Variants in LHFPL6 observed in about 807,000 individuals in gnomAD.
The protein encoded by LHFPL6 is LHFPL tetraspan subfamily member 6 protein.
Under a neutral mutation model 20.6 loss-of-function variants are expected in LHFPL6, and 9 were observed. The observed-to-expected ratio is 0.44, with a 90% CI of 0.26 to 0.76. LHFPL6 has a LOEUF of 0.76. Among genes scored for constraint, LHFPL6 ranks in the 30% least tolerant of loss-of-function variants. The pLI, the probability that LHFPL6 is intolerant of heterozygous loss-of-function variation, is 0.20. For synonymous variants in LHFPL6, 105 were observed against 98.7 expected, an observed-to-expected ratio of 1.06 and a Z score of -0.38; for missense variants, 218 against 253.5, an observed-to-expected ratio of 0.86 and a Z score of 0.95.
intron 2 of LHFPL6, among the ~76,000 whole-genome samples, chr13:39,422,155 C>T (rs1459939245): frequency 1.3e-5 from 2 of 152,168 alleles, no homozygotes; most frequent in South Asian, 2.1e-4. Context: ...AGGTCAATAA[C>T]CTGGGAGCAA....
intron 2 of LHFPL6, among the ~76,000 whole-genome samples, chr13:39,445,016 C>T (rs1872248667): frequency 6.6e-6 from 1 of 152,214 alleles, no homozygotes; most frequent in Non-Finnish European, 1.5e-5. Flanking sequence ...ATGTCATTAC[C>T]TCAGGAGTGA....
chr13:39,404,873 T>C (rs73456956), intron 2 of LHFPL6, among the ~76,000 whole-genome samples: 2,880 of 152,276 alleles, frequency 0.019, 106 homozygotes, highest in African/African-American at 0.066. Context: ...GGACAATATG[T>C]ATTTGTGCAA....
chr13:39,413,886 C>T (rs1871291717), intron 2 of LHFPL6, among the ~76,000 whole-genome samples: 1 of 152,136 alleles, frequency 6.6e-6, no homozygotes, highest in African/African-American at 2.4e-5. Flanking sequence ...GGTTTTGCCT[C>T]TCTTTGTACT....
chr13:39,372,530 A>G (rs1245674293), intron 3 of LHFPL6, among the ~76,000 whole-genome samples: 1 of 152,234 alleles, frequency 6.6e-6, no homozygotes, highest in African/African-American at 2.4e-5. Context: ...TTGCTTCTTC[A>G]TAAATTAGCG....
At chr13:39,416,982 G>A (rs1390241565) in intron 2 of LHFPL6, among the ~76,000 whole-genome samples, 1 of 152,108 alleles carries the variant, frequency 6.6e-6, no homozygotes, top group South Asian at 2.1e-4. Context: ...GTTTTAAAAT[G>A]TCATCTGCAG....
At chr13:39,438,280 T>C (rs767088879) in intron 2 of LHFPL6, among the ~76,000 whole-genome samples, 1 of 152,198 alleles carries the variant, frequency 6.6e-6, no homozygotes, top group Non-Finnish European at 1.5e-5. Flanking sequence ...AGACTGATGA[T>C]TCCACTATCC....
chr13:39,582,160 A>G (rs536573372), intron 2 of LHFPL6, among the ~76,000 whole-genome samples: 1 of 152,310 alleles, frequency 6.6e-6, no homozygotes, highest in East Asian at 1.9e-4. Flanking sequence ...CTCCAAAAGC[A>G]GCGGCCTCAT....
chr13:39,469,620 A>G (rs1001966814), intron 2 of LHFPL6, among the ~76,000 whole-genome samples: 5 of 152,184 alleles, frequency 3.3e-5, no homozygotes, highest in African/African-American at 1.2e-4. Context: ...GGTCATCAAG[A>G]GCATACAGTA....
rs191784745 is a variant in LHFPL6, at chr13:39,564,201, T to C, written c.385+36631A>G. Reference sequence around the variant, plus strand: ...TTGTCAAGGCCAGGAATAAAGTCTGTTTAGTACACTCTGAATATAGCACCT... The same window carrying C: ...TTGTCAAGGCCAGGAATAAAGTCTGCTTAGTACACTCTGAATATAGCACCT... On this transcript the variant is annotated intron_variant, in intron 2 of 3. Transcript: ENST00000379589. Among the ~76,000 whole-genome samples the C allele has an allele frequency of 5.4e-3, 822 of 152,264 alleles. 4 individuals are homozygous for C. The highest frequency in any genetic ancestry group is 0.019 in the African/African-American group (792 of 41,552).
intron 2 of LHFPL6, among the ~76,000 whole-genome samples, chr13:39,409,311 G>A (rs981200220): frequency 2.0e-5 from 3 of 151,902 alleles, no homozygotes; most frequent in Admixed American, 6.6e-5. Flanking sequence ...AAGATTAGCC[G>A]GGCGTGGTGA....
At chr13:39,562,653 C>CAT (rs1871571462) in intron 2 of LHFPL6, among the ~76,000 whole-genome samples, 1 of 125,374 alleles carries the variant, frequency 8.0e-6, no homozygotes, top group African/African-American at 2.8e-5. Context: ...TATATACACA[C>CAT]ATATACACAT....
intron 2 of LHFPL6, among the ~76,000 whole-genome samples, chr13:39,389,858 T>G (rs1422707364): frequency 2.0e-5 from 3 of 152,178 alleles, no homozygotes; most frequent in South Asian, 2.1e-4. Flanking sequence ...AAAGCAGTGA[T>G]GAGTTCCCTG....
intron 2 of LHFPL6, among the ~76,000 whole-genome samples, chr13:39,383,206 T>C (rs950890855): frequency 1.1e-4 from 16 of 152,232 alleles, no homozygotes; most frequent in African/African-American, 3.9e-4. Flanking sequence ...CATCATATAG[T>C]CATTGTAACA....
chr13:39,448,388 T>G (rs1052820269), intron 2 of LHFPL6, among the ~76,000 whole-genome samples: 3 of 152,110 alleles, frequency 2.0e-5, no homozygotes, highest in African/African-American at 7.2e-5. Flanking sequence ...GGTAGGAAAG[T>G]GGGGAAGTTT....
chr13:39,490,451 G>C (rs1245739039), intron 2 of LHFPL6, among the ~76,000 whole-genome samples: 1 of 152,188 alleles, frequency 6.6e-6, no homozygotes, highest in Non-Finnish European at 1.5e-5. Flanking sequence ...TTTAGCCACC[G>C]GTAGGCTCGC....
chr13:39,378,394 T>C, intron 3 of LHFPL6, 34 bp downstream of exon 3: 1 of 1,562,776 alleles, frequency 6.4e-7, no homozygotes, highest in Non-Finnish European at 8.8e-7. Context: ...AGGTTCTTTT[T>C]CTAAAAGGAG....
chr13:39,356,396 G>A (rs569148614), intron 3 of LHFPL6, among the ~76,000 whole-genome samples: 134 of 152,196 alleles, frequency 8.8e-4, no homozygotes, highest in Non-Finnish European at 2.5e-4. Context: ...ACTTTATAAC[G>A]CAAAATGCCT....
At chr13:39,586,316 G>A (rs1179214862) in intron 2 of LHFPL6, among the ~76,000 whole-genome samples, 1 of 152,150 alleles carries the variant, frequency 6.6e-6, no homozygotes, top group Admixed American at 6.5e-5. Context: ...GCCCCCAGGT[G>A]TGCTGGACAG....
rs567049616 is a variant in LHFPL6 at position 39,601,917 on chromosome 13, G to A, written c.-174-527C>T. On this transcript the variant is annotated intron_variant, in intron 1 of 3. Coordinates refer to ENST00000379589, the MANE Select transcript of LHFPL6 (RefSeq NM_005780.3). Reference sequence around the variant, plus strand: ...AAATTTAACAAGCATTATGGTCTGCGGAGGCACCCACAGTACAGAACTATT... The same window carrying A: ...AAATTTAACAAGCATTATGGTCTGCAGAGGCACCCACAGTACAGAACTATT... Among the ~76,000 whole-genome samples, 36 of 152,132 alleles carry A rather than the reference G, an allele frequency of 2.4e-4. No homozygotes were observed. In the East Asian group the frequency reaches 7.0e-3, roughly 29 times the overall value.
Sources: allele counts gnomAD v4.1 joint callset (sites outside exome capture counted in the v4.1 genomes callset), GRCh38; gene constraint gnomAD v4.1.1; transcripts MANE v1.5; gene names NCBI Gene and HGNC (gene_info 2026-07-23, HGNC 2026-07-21).